Variants in SDK1 observed in about 807,000 individuals in gnomAD.
SDK1 encodes sidekick cell adhesion molecule 1.
Under a neutral mutation model 245.5 loss-of-function variants are expected in SDK1, and 157 were observed. The observed-to-expected ratio is 0.64, with a 90% CI of 0.56 to 0.73. The LOEUF is 0.73. Ranked by LOEUF, SDK1 falls within the 30% of genes least tolerant of loss-of-function variation. The pLI is 0.00. For synonymous variants in SDK1, 1,647 were observed against 1,278.5 expected, an observed-to-expected ratio of 1.29 and a Z score of -6.15; for missense variants, 3,583 against 3,002.3, an observed-to-expected ratio of 1.19 and a Z score of -4.52.
intron 9 of SDK1, among the ~76,000 whole-genome samples, chr7:3,964,251 G>C (rs1205427112): frequency 6.6e-6 from 1 of 152,162 alleles, no homozygotes; most frequent in Non-Finnish European, 1.5e-5. Context: ...TGGGTCCTGT[G>C]GGGAAACTGC....
At chr7:3,343,988 A>T (rs1780424518) in intron 1 of SDK1, among the ~76,000 whole-genome samples, 1 of 150,884 alleles carries the variant, frequency 6.6e-6, no homozygotes, top group African/African-American at 2.5e-5. Context: ...GTGTACAGAC[A>T]CTAAACCATA....
intron 4 of SDK1, among the ~76,000 whole-genome samples, chr7:3,652,465 A>G (rs1441814778): frequency 6.6e-6 from 1 of 152,232 alleles, no homozygotes. Context: ...CTTCCACTCT[A>G]ACAGGACGGA....
rs763402133 is a variant in SDK1 at position 4,161,864 on chromosome 7, C to T, written c.4800+8C>T. 12 of 1,612,444 alleles carry T rather than the reference C, an allele frequency of 7.4e-6. No individual in the cohort carries two copies. Among genetic ancestry groups the T allele is most frequent in the Non-Finnish European group, 7.6e-6 (9 of 1,178,622 alleles). ...GTCCTGATACAGTGGCAGGTAAGAG[C>T]GCGGGGAATCACGCGCGTTTTGTCA... On this transcript the variant is annotated splice_region_variant and intron_variant, in intron 32 of 44. Transcript: ENST00000404826.
At chr7:3,709,163 G>T (rs1784965789) in intron 4 of SDK1, among the ~76,000 whole-genome samples, 1 of 152,144 alleles carries the variant, frequency 6.6e-6, no homozygotes, top group South Asian at 2.1e-4. Context: ...GCATTTATTT[G>T]TCTGAAAATT....
intron 1 of SDK1, among the ~76,000 whole-genome samples, chr7:3,550,965 G>T (rs963967943): frequency 6.6e-5 from 10 of 152,272 alleles, no homozygotes; most frequent in African/African-American, 2.4e-4. Context: ...AGAAATAAAG[G>T]TTTACACAGA....
chr7:3,607,223 C>T (rs1781452541), intron 1 of SDK1, among the ~76,000 whole-genome samples: 1 of 151,874 alleles, frequency 6.6e-6, no homozygotes, highest in African/African-American at 2.4e-5. Flanking sequence ...TATTTTAAGG[C>T]TCACCTTTGG....
rs776790589 is a variant in SDK1, at chr7:4,265,073, C to G, written c.6382-51C>G. 5.3e-6 allele frequency: 8 copies of G among 1,510,426 alleles called. No homozygotes were observed. In the South Asian group the frequency reaches 1.0e-4, roughly 19 times the overall value. 93.6% of individuals were successfully genotyped at this position (1,510,426 alleles called of 1,614,324 possible). On this transcript the variant is annotated intron_variant, in intron 44 of 44. Transcript: ENST00000404826. ...GCCAGGCCTCCTGCCCAGCACGCTC[C>G]GGGCCCTGCGCCCTGCCCTGCACTC...
chr7:3,326,543 C>T (rs975543715), intron 1 of SDK1, among the ~76,000 whole-genome samples: 1 of 152,100 alleles, frequency 6.6e-6, no homozygotes, highest in Non-Finnish European at 1.5e-5. Flanking sequence ...ATTGCTGGCT[C>T]ATACAGTATG....
intron 1 of SDK1, among the ~76,000 whole-genome samples, chr7:3,618,291 C>T (rs573431222): frequency 7.2e-5 from 11 of 152,168 alleles, no homozygotes; most frequent in Non-Finnish European, 1.5e-4. Context: ...CATCCCATTA[C>T]CTTCACCCCC....
At chr7:3,524,875 A>C (rs1185672540) in intron 1 of SDK1, among the ~76,000 whole-genome samples, 1 of 152,218 alleles carries the variant, frequency 6.6e-6, no homozygotes, top group Admixed American at 6.5e-5. Context: ...TACTGGGTGC[A>C]GTGAGTCACA....
rs558004859 is a variant in SDK1, at chr7:3,306,887, T to G, written c.298+5003T>G. Among the ~76,000 whole-genome samples, 21 of 152,222 alleles carry G rather than the reference T, an allele frequency of 1.4e-4. No individual in the cohort carries two copies. The South Asian group carries it at 4.2e-3, about 30-fold the overall frequency. ...AGCTGACTGAAACTAGAGAATGGAATGGACACAAAGTGAGGATTCTGATTA... is the reference window on the plus strand; with the variant it reads ...AGCTGACTGAAACTAGAGAATGGAAGGGACACAAAGTGAGGATTCTGATTA... On this transcript the variant is annotated intron_variant, in intron 1 of 44. Transcript: ENST00000404826.
chr7:4,051,876 G>C (rs944813846), intron 19 of SDK1, 46 bp downstream of exon 19: 3 of 1,533,130 alleles, frequency 2.0e-6, no homozygotes, highest in Middle Eastern at 1.7e-4. Flanking sequence ...TGTCAAAGAG[G>C]TGTATACCGC....
At chr7:3,578,091 A>AT (rs1780355893) in intron 1 of SDK1, among the ~76,000 whole-genome samples, 2 of 151,420 alleles carry the variant, frequency 1.3e-5, no homozygotes, top group Non-Finnish European at 3.0e-5. Flanking sequence ...AATTTGCATT[A>AT]TTTTTTATCA....
At chr7:3,903,116 A>T (rs895620034) in intron 5 of SDK1, among the ~76,000 whole-genome samples, 4 of 151,172 alleles carry the variant, frequency 2.6e-5, no homozygotes, top group Non-Finnish European at 5.9e-5. Context: ...CAGGTTTTTT[A>T]GTTTGTTTGT....
At chr7:4,137,013 G>A (rs911912426) in intron 28 of SDK1, among the ~76,000 whole-genome samples, 2 of 152,226 alleles carry the variant, frequency 1.3e-5, no homozygotes, top group South Asian at 2.1e-4. Context: ...CAGAGAGATC[G>A]GCAGCACGTG....
intron 9 of SDK1, among the ~76,000 whole-genome samples, chr7:3,964,430 T>A (rs945668530): frequency 6.6e-5 from 10 of 152,240 alleles, no homozygotes; most frequent in African/African-American, 2.2e-4. Flanking sequence ...AGTGAATAGA[T>A]CACTCCTAAT....
chr7:3,320,222 C>G (rs1779768048), intron 1 of SDK1, among the ~76,000 whole-genome samples: 1 of 152,036 alleles, frequency 6.6e-6, no homozygotes, highest in South Asian at 2.1e-4. Context: ...ATTCTGGAGA[C>G]CTGAGTCTCA....
At chr7:4,217,434 T>C (rs113721629) in intron 38 of SDK1, among the ~76,000 whole-genome samples, 2,414 of 24,698 alleles carry the variant, frequency 0.098, no homozygotes, top group Non-Finnish European at 0.12. Context: ...ACCAGGCCAC[T>C]CGGAGAACCA....
intron 5 of SDK1, among the ~76,000 whole-genome samples, chr7:3,894,143 C>G (rs1355823889): frequency 1.3e-5 from 2 of 152,114 alleles, no homozygotes; most frequent in East Asian, 3.9e-4. Flanking sequence ...TGCAGTTGGA[C>G]CAGTTTTAAA....
Sources: gnomAD v4.1 joint callset for allele counts (sites outside exome capture counted in the v4.1 genomes callset) on GRCh38, gnomAD v4.1.1 for gene constraint, MANE v1.5 for transcripts, NCBI Gene and HGNC (gene_info 2026-07-23, HGNC 2026-07-21) for gene names.